Variants in EEIG1 observed in about 807,000 individuals in gnomAD.
EEIG1 encodes the protein estrogen-induced osteoclastogenesis regulator 1.
the EEIG1 span, among the ~76,000 whole-genome samples, chr9:127,977,994 T>A: frequency 2.0e-5 from 3 of 152,210 alleles, no homozygotes; most frequent in African/African-American, 7.2e-5. Flanking sequence ...CTCCAGGCCC[T>A]AGCTGTGAGC....
the EEIG1 span, among the ~76,000 whole-genome samples, chr9:127,967,977 CTT>C: frequency 0.71 from 70,174 of 99,528 alleles, 24,613 homozygotes; most frequent in Non-Finnish European, 0.8. Flanking sequence ...TTCCCCAGGT[CTT>C]TTTTTTTTTT....
At chr9:127,945,022 T>C in the EEIG1 span, 1 of 1,154,208 alleles carries the variant, frequency 8.7e-7, no homozygotes, top group Non-Finnish European at 1.2e-6. This position sits in a 1 kb window ranked among gnomAD's most constrained non-coding sequence, Gnocchi z 6.5. Context: ...CGCTCCGTGC[T>C]GTACTTCACT....
At chr9:127,953,869 T>C in the EEIG1 span, 9 of 1,613,896 alleles carry the variant, frequency 5.6e-6, no homozygotes, top group Admixed American at 1.7e-5. Flanking sequence ...AGCACTCATC[T>C]TACACACGAA....
At chr9:127,942,148 G>T in the EEIG1 span, 8 of 152,810 alleles carry the variant, frequency 5.2e-5, no homozygotes, top group African/African-American at 1.7e-4. Flanking sequence ...TTCTGGTAAG[G>T]AAGCCAGCTC....
chr9:127,943,335 T>C, the EEIG1 span: 10 of 1,197,984 alleles, frequency 8.3e-6, no homozygotes, highest in Admixed American at 1.7e-4. Context: ...AAGCAGGTAC[T>C]GTTAACCAGC....
At chr9:127,942,929 CGCCTGGCCT>C in the EEIG1 span, 52 of 523,280 alleles carry the variant, frequency 9.9e-5, no homozygotes, top group African/African-American at 4.8e-4. Context: ...TGCACGGGCC[CGCCTGGCCT>C]GCCTGGCCTG....
the EEIG1 span, among the ~76,000 whole-genome samples, chr9:127,952,863 A>G: frequency 3.3e-5 from 5 of 152,112 alleles, no homozygotes; most frequent in Non-Finnish European, 1.5e-5. Context: ...ACAGGCATGC[A>G]CCACCACACC....
the EEIG1 span, chr9:127,943,951 G>T: frequency 6.5e-6 from 1 of 153,984 alleles, no homozygotes; most frequent in African/African-American, 2.4e-5. Flanking sequence ...GGATGTGGAT[G>T]TTAGGCGGGC....
At chr9:127,961,094 G>A in the EEIG1 span, among the ~76,000 whole-genome samples, 1 of 152,250 alleles carries the variant, frequency 6.6e-6, no homozygotes, top group South Asian at 2.1e-4. Context: ...GATGGGGAAA[G>A]TGAGGCTCAG....
the EEIG1 span, chr9:127,944,525 C>T: frequency 1.4e-5 from 13 of 907,538 alleles, no homozygotes; most frequent in South Asian, 4.3e-5. Flanking sequence ...CAAGATTTGG[C>T]GTTCAAGGCC....
the EEIG1 span, among the ~76,000 whole-genome samples, chr9:127,980,890 G>A: frequency 6.7e-6 from 1 of 148,832 alleles, no homozygotes; most frequent in African/African-American, 2.4e-5. Flanking sequence ...CCCGGCCGGT[G>A]GCGCCCGCCT....
chr9:127,974,581 G>A, the EEIG1 span, among the ~76,000 whole-genome samples: 1 of 152,194 alleles, frequency 6.6e-6, no homozygotes, highest in Admixed American at 6.5e-5. Context: ...ACCATGCCCA[G>A]CCTGAGTTAA....
At chr9:127,944,857 T>C in the EEIG1 span, 4 of 1,612,596 alleles carry the variant, frequency 2.5e-6, no homozygotes, top group Non-Finnish European at 3.4e-6. Flanking sequence ...CCGCGTGTCG[T>C]CCACCCAGGT....
At chr9:127,959,209 T>A in the EEIG1 span, among the ~76,000 whole-genome samples, 1 of 152,194 alleles carries the variant, frequency 6.6e-6, no homozygotes, top group African/African-American at 2.4e-5. Context: ...CAAATGTACA[T>A]CACAGAATTA....
chr9:127,943,231 A>G, the EEIG1 span: 1 of 1,614,128 alleles, frequency 6.2e-7, no homozygotes, highest in Admixed American at 1.7e-5. Flanking sequence ...AGACCCCAGA[A>G]GAGACCCTGC....
the EEIG1 span, among the ~76,000 whole-genome samples, chr9:127,964,946 T>G: frequency 6.6e-6 from 1 of 151,564 alleles, no homozygotes; most frequent in Admixed American, 6.6e-5. Flanking sequence ...CCACCTCTAC[T>G]AAAAATACAA....
At chr9:127,948,698 C>G in the EEIG1 span, among the ~76,000 whole-genome samples, 2 of 152,230 alleles carry the variant, frequency 1.3e-5, no homozygotes, top group Non-Finnish European at 2.9e-5. Flanking sequence ...AGTGAGCGGA[C>G]TGCCATCAGC....
chr9:127,945,694 G>T, the EEIG1 span: 1 of 1,593,132 alleles, frequency 6.3e-7, no homozygotes, highest in Non-Finnish European at 8.5e-7. This position sits in a 1 kb window ranked among gnomAD's most constrained non-coding sequence, Gnocchi z 6.5. Flanking sequence ...TTGCGGGAGT[G>T]GCCAGAGTGG....
chr9:127,951,727 G>C, the EEIG1 span, among the ~76,000 whole-genome samples: 1 of 148,638 alleles, frequency 6.7e-6, no homozygotes, highest in African/African-American at 2.5e-5. Flanking sequence ...TGAGGCAGGA[G>C]AATGGCGTGA....
Sources: gnomAD v4.1 joint callset for allele counts (sites outside exome capture counted in the v4.1 genomes callset) on GRCh38, gnomAD v4.1.1 for gene constraint, Gnocchi (gnomAD v3.1) non-coding constraint, MANE v1.5 for transcripts, NCBI Gene and HGNC (gene_info 2026-07-23, HGNC 2026-07-21) for gene names.